Variants in DOCK10 observed in about 807,000 individuals in gnomAD.
DOCK10 encodes the protein dedicator of cytokinesis protein 10.
DOCK10 carries 145 observed loss-of-function variants against 280.1 expected under a neutral mutation model. The ratio of observed to expected loss-of-function variants is 0.52; its 90% CI spans 0.45 to 0.59. The LOEUF (loss-of-function observed/expected upper bound fraction) is 0.59, where lower values mean the gene tolerates loss of function less well. Ranked by LOEUF, DOCK10 falls within the 20% of genes least tolerant of loss-of-function variation. The pLI is 0.00. For missense variants in DOCK10, 2,368 were observed against 2,651.7 expected, an observed-to-expected ratio of 0.89 and a Z score of 2.35; for synonymous variants, 915 against 942.2, an observed-to-expected ratio of 0.97 and a Z score of 0.53.
intron 45 of DOCK10, 83 bp from the exon 46 acceptor site, chr2:224,793,540 C>T: frequency 9.3e-7 from 1 of 1,073,746 alleles, no homozygotes; most frequent in Non-Finnish European, 1.4e-6. Flanking sequence ...AGTCAGTATT[C>T]CATATCAGAA....
intron 4 of DOCK10, chr2:224,893,703 AT>A (rs1699832175): frequency 2.4e-6 from 1 of 421,216 alleles, no homozygotes; most frequent in East Asian, 7.4e-5. Flanking sequence ...ACACATTTAA[AT>A]TTAAAGAATA....
At chr2:224,851,823 GTAGA>G (rs1200612278) in intron 18 of DOCK10, among the ~76,000 whole-genome samples, 13 of 152,234 alleles carry the variant, frequency 8.5e-5, no homozygotes, top group Admixed American at 3.3e-4. Flanking sequence ...TTGCAGCTTT[GTAGA>G]GTGAAACACC....
chr2:225,024,444 A>G lies in DOCK10; in HGVS notation c.123+17808T>C, dbSNP rs567396273. On this transcript the variant is annotated intron_variant, in intron 1 of 55. Transcript: ENST00000258390. ...CTTTGTATGTGTAGAGAGAGAATGAATAATTTTTAAATTTTAAGTATGGCA... is the reference window on the plus strand; with the variant it reads ...CTTTGTATGTGTAGAGAGAGAATGAGTAATTTTTAAATTTTAAGTATGGCA... 5.3e-5 allele frequency among the ~76,000 whole-genome samples: 8 copies of G among 152,352 alleles called. No individual in the cohort carries two copies. The South Asian group carries it at 1.7e-3, about 32-fold the overall frequency.
At chr2:224,857,096 TTA>T (rs1697198785) in intron 14 of DOCK10, 114 bp from the exon 15 acceptor site, 3 of 916,156 alleles carry the variant, frequency 3.3e-6, no homozygotes, top group Non-Finnish European at 2.9e-6. Flanking sequence ...CTCTAAGAAC[TTA>T]TAAAATAAAA....
At chr2:224,918,930 G>GAA (rs1701507585) in intron 2 of DOCK10, among the ~76,000 whole-genome samples, 1 of 148,238 alleles carries the variant, frequency 6.7e-6, no homozygotes, top group South Asian at 2.2e-4. Flanking sequence ...TGTGTGGTGT[G>GAA]TATGTGTGGT....
At chr2:225,025,626 G>GT (rs1689900053) in intron 1 of DOCK10, among the ~76,000 whole-genome samples, 1 of 152,132 alleles carries the variant, frequency 6.6e-6, no homozygotes, top group African/African-American at 2.4e-5. Flanking sequence ...AAAATGGTTA[G>GT]TTTTAAAAAG....
At chr2:224,840,263 T>A in intron 23 of DOCK10, 191 bp from the exon 24 acceptor site, 2 of 481,896 alleles carry the variant, frequency 4.2e-6, no homozygotes, top group East Asian at 6.4e-5. Context: ...AAATGGCATA[T>A]CAAACTAAAA....
intron 24 of DOCK10, among the ~76,000 whole-genome samples, chr2:224,838,114 T>C (rs1300742022): frequency 6.6e-6 from 1 of 152,252 alleles, no homozygotes; most frequent in Non-Finnish European, 1.5e-5. Flanking sequence ...GGAGACTTTT[T>C]GTCCAAGTTG....
At chr2:224,838,868 T>C (rs1026773469) in intron 24 of DOCK10, among the ~76,000 whole-genome samples, 1 of 152,180 alleles carries the variant, frequency 6.6e-6, no homozygotes, top group Admixed American at 6.5e-5. Context: ...GAATTCAGTA[T>C]AGCCAAATTT....
At chr2:224,900,195 G>A (rs1700215065) in intron 3 of DOCK10, among the ~76,000 whole-genome samples, 1 of 151,998 alleles carries the variant, frequency 6.6e-6, no homozygotes, top group Non-Finnish European at 1.5e-5. Context: ...TGCCACAGGT[G>A]TAGCCGAATC....
At chr2:224,998,522 C>T (rs1045880394) in intron 1 of DOCK10, among the ~76,000 whole-genome samples, 16 of 152,056 alleles carry the variant, frequency 1.1e-4, no homozygotes, top group African/African-American at 3.9e-4. Flanking sequence ...GGTCTTGCTC[C>T]ATCAATCATT....
chr2:224,815,854 G>T (rs1282915008), intron 30 of DOCK10, among the ~76,000 whole-genome samples: 1 of 152,066 alleles, frequency 6.6e-6, no homozygotes, highest in Non-Finnish European at 1.5e-5. Flanking sequence ...TGGCCAACAT[G>T]GTGAAACCTC....
intron 1 of DOCK10, among the ~76,000 whole-genome samples, chr2:225,035,549 TA>T (rs1239699132): frequency 5.4e-5 from 1 of 18,456 alleles, no homozygotes; most frequent in Non-Finnish European, 1.1e-4. Context: ...ATATTATATA[TA>T]TATATATATA....
At chr2:224,765,937 A>T in intron 55 of DOCK10, 100 bp from the exon 56 acceptor site, 2 of 776,558 alleles carry the variant, frequency 2.6e-6, no homozygotes, top group Non-Finnish European at 3.9e-6. Context: ...CATTCCCCAC[A>T]GGGTAATTTA....
At position 225,014,081 on chromosome 2, in the gene DOCK10, A is replaced by ATATATATATATATT. The variant is rs776104946; in HGVS notation, c.123+28170_123+28171insAATATATATATATA. On this transcript the variant is annotated intron_variant, in intron 1 of 55. Coordinates refer to ENST00000258390, the MANE Select transcript of DOCK10 (RefSeq NM_014689.3). ...AAAAAATCCCCAGAAGTCTGAATATATTGTTTTTTTTTTTTTGTTTTTTTT... is the reference window on the plus strand; with the variant it reads ...AAAAAATCCCCAGAAGTCTGAATATATATATATATATATTTTGTTTTTTTTTTTTTGTTTTTTTT... 5.2e-5 allele frequency among the ~76,000 whole-genome samples: 5 copies of ATATATATATATATT among 96,800 alleles called. No individual in the cohort carries two copies. The South Asian group carries it at 1.8e-3, about 34-fold the overall frequency. The allele number at this position is 96,800 out of a possible 152,430, so 63.5% of individuals were successfully genotyped here.
intron 46 of DOCK10, 57 bp downstream of exon 46, chr2:224,793,343 T>C (rs1271932452): frequency 4.5e-6 from 6 of 1,344,044 alleles, no homozygotes; most frequent in Non-Finnish European, 6.3e-6. Flanking sequence ...ATTATTTCTA[T>C]TAGGCTTCAA....
At chr2:224,788,433 C>T (rs13413377) in intron 48 of DOCK10, among the ~76,000 whole-genome samples, 47,193 of 152,010 alleles carry the variant, frequency 0.31, 8,399 homozygotes, top group East Asian at 0.78. Context: ...ATATTTACTT[C>T]GTTTATTTGC....
At chr2:225,009,631 C>T (rs1184496655) in intron 1 of DOCK10, among the ~76,000 whole-genome samples, 1 of 108,000 alleles carries the variant, frequency 9.3e-6, no homozygotes, top group Admixed American at 9.7e-5. Context: ...AAAGGCAAGC[C>T]CTAAGGCAAA....
rs200116788 is a variant in DOCK10 at position 224,823,661 on chromosome 2, G to C, written c.3037-14C>G. The C allele has an allele frequency of 1.3e-6, 2 of 1,566,720 alleles. No individual in the cohort carries two copies. The highest frequency in any genetic ancestry group is 2.8e-5 in the African/African-American group (2 of 71,784). On this transcript the variant is annotated splice_polypyrimidine_tract_variant and intron_variant, in intron 27 of 55. Coordinates refer to ENST00000258390, the MANE Select transcript of DOCK10 (RefSeq NM_014689.3). Reference sequence around the variant, plus strand: ...AGGCCGGGGAAGCTAAGGAAAGAACGGATTATATCTTTCTAATGTGGCATG... The same window carrying C: ...AGGCCGGGGAAGCTAAGGAAAGAACCGATTATATCTTTCTAATGTGGCATG...
Sources: allele counts gnomAD v4.1 joint callset (sites outside exome capture counted in the v4.1 genomes callset), GRCh38; gene constraint gnomAD v4.1.1; transcripts MANE v1.5; gene names NCBI Gene and HGNC (gene_info 2026-07-23, HGNC 2026-07-21).